TANC1: variants seen among roughly 807,000 people sequenced by gnomAD.
TANC1 encodes the protein tetratricopeptide repeat, ankyrin repeat and coiled-coil containing 1, also known as protein TANC1.
Under a neutral mutation model 149.7 loss-of-function variants are expected in TANC1, and 77 were observed. The observed-to-expected ratio is 0.51, with a 90% CI of 0.43 to 0.62. The LOEUF (loss-of-function observed/expected upper bound fraction) is 0.62. Among genes scored for constraint, TANC1 ranks in the 20% least tolerant of loss-of-function variants. TANC1 has a pLI of 0.00. For missense variants in TANC1, 1,985 were observed against 2,321.8 expected, an observed-to-expected ratio of 0.85 and a Z score of 2.98; for synonymous variants, 854 against 925.0, an observed-to-expected ratio of 0.92 and a Z score of 1.39.
chr2:159,030,385 G>A (rs1329717458), intron 2 of TANC1, among the ~76,000 whole-genome samples: 2 of 152,102 alleles, frequency 1.3e-5, no homozygotes, highest in Admixed American at 6.6e-5. Context: ...TAACCAGCTA[G>A]GGTTTTTGTC....
At chr2:159,177,471 T>G (rs1225048314) in intron 13 of TANC1, among the ~76,000 whole-genome samples, 1 of 152,228 alleles carries the variant, frequency 6.6e-6, no homozygotes. Flanking sequence ...TTTTTCATTA[T>G]AAAAACTGAA....
intron 4 of TANC1, among the ~76,000 whole-genome samples, chr2:159,121,616 G>C (rs186382703): frequency 1.3e-5 from 2 of 152,156 alleles, no homozygotes; most frequent in Admixed American, 1.3e-4. Flanking sequence ...GAGCCACTAC[G>C]CCCAGCAGTT....
At chr2:159,096,693 G>A (rs866133022) in intron 3 of TANC1, among the ~76,000 whole-genome samples, 17 of 152,296 alleles carry the variant, frequency 1.1e-4, no homozygotes, top group South Asian at 4.1e-4. Flanking sequence ...CCAGAATGGC[G>A]GGGTTTGGTG....
intron 3 of TANC1, among the ~76,000 whole-genome samples, chr2:159,074,764 T>C (rs2043483993): frequency 1.3e-5 from 2 of 152,114 alleles, no homozygotes; most frequent in Non-Finnish European, 1.5e-5. Flanking sequence ...TGGGTGGCTT[T>C]AACAATAGAA....
intron 2 of TANC1, among the ~76,000 whole-genome samples, chr2:159,064,144 C>T (rs2042473094): frequency 6.6e-6 from 1 of 152,136 alleles, no homozygotes; most frequent in Non-Finnish European, 1.5e-5. Flanking sequence ...TTAACTTTTA[C>T]TACCATTTTT....
At chr2:159,039,954 T>C (rs1022888896) in intron 2 of TANC1, among the ~76,000 whole-genome samples, 3 of 152,218 alleles carry the variant, frequency 2.0e-5, no homozygotes, top group Non-Finnish European at 2.9e-5. Flanking sequence ...AGTGGGGTGT[T>C]AAAGTCTCCC....
At chr2:159,098,908 G>A (rs558113825) in intron 4 of TANC1, among the ~76,000 whole-genome samples, 5 of 152,026 alleles carry the variant, frequency 3.3e-5, no homozygotes, top group African/African-American at 1.2e-4. Context: ...GCCAGTGTAA[G>A]GATTCTTCTC....
chr2:158,979,623 G>GT (rs2034074489), intron 1 of TANC1, among the ~76,000 whole-genome samples: 2 of 152,098 alleles, frequency 1.3e-5, no homozygotes, highest in South Asian at 4.1e-4. Flanking sequence ...TGATTTCAAG[G>GT]TTTTTTGTTG....
intron 5 of TANC1, among the ~76,000 whole-genome samples, chr2:159,140,905 G>A (rs1258078357): frequency 6.6e-6 from 1 of 151,944 alleles, no homozygotes; most frequent in Admixed American, 6.6e-5. Context: ...TAGCCAAGCT[G>A]GTCTCAAACT....
At position 159,150,384 on chromosome 2, in the gene TANC1, T is replaced by C; in HGVS notation, c.510T>C (p.Ser170=). 6.2e-7 allele frequency: 1 copy of C among 1,613,898 alleles called. No homozygotes were observed. Among genetic ancestry groups the C allele is most frequent in the Non-Finnish European group, 8.5e-7 (1 of 1,179,964 alleles). ...DKNETMCTAL[S]QGISPCSTLT... ...TCATCTTGCAGTGCACAGCTCTGAG[T>C]CAAGGCATCAGTCCTTGCTCCACAC... Residue 170 remains serine (S), a synonymous_variant, in exon 7 of 27, where the codon AGT becomes AGC. Coordinates refer to ENST00000263635, the MANE Select transcript of TANC1 (RefSeq NM_033394.3).
intron 4 of TANC1, among the ~76,000 whole-genome samples, chr2:159,111,999 C>T (rs1336191381): frequency 1.3e-5 from 2 of 152,188 alleles, no homozygotes; most frequent in Admixed American, 1.3e-4. Flanking sequence ...ACTAGAATCT[C>T]CTGTTGTGTC....
intron 5 of TANC1, among the ~76,000 whole-genome samples, chr2:159,144,978 C>T (rs1009299636): frequency 1.3e-5 from 2 of 152,076 alleles, no homozygotes; most frequent in African/African-American, 4.8e-5. Flanking sequence ...AGTGAACTGA[C>T]GAATGTCGTC....
Position 159,155,123 on chromosome 2 carries a change from G to A in TANC1, c.682+4567G>A, listed in dbSNP as rs114293505. On this transcript the variant is annotated intron_variant, in intron 7 of 26. Coordinates refer to ENST00000263635, the MANE Select transcript of TANC1 (RefSeq NM_033394.3). The stretch of plus-strand genomic sequence containing the variant: ...CATCACTGAAAATGTGTTTTAAAGT[G>A]CTTTGAGATAAATTTAATTTGTGTT... Among the ~76,000 whole-genome samples the A allele has an allele frequency of 8.2e-4, 125 of 152,296 alleles. 1 individual carries two copies. Among genetic ancestry groups the A allele is most frequent in the African/African-American group, 2.9e-3 (122 of 41,560 alleles).
At chr2:159,007,138 G>GTTTTTT (rs70994252) in intron 2 of TANC1, among the ~76,000 whole-genome samples, 33 of 69,510 alleles carry the variant, frequency 4.7e-4, no homozygotes, top group South Asian at 1.5e-3. Flanking sequence ...CTTTAATACT[G>GTTTTTT]TTTTTTTTTT....
At chr2:159,081,488 C>T (rs776617064) in intron 3 of TANC1, among the ~76,000 whole-genome samples, 20 of 151,712 alleles carry the variant, frequency 1.3e-4, no homozygotes, top group Non-Finnish European at 2.2e-4. Flanking sequence ...TCCCTCTGGC[C>T]GAAGATGGGG....
At chr2:159,156,340 TA>T (rs1247520085) in intron 7 of TANC1, among the ~76,000 whole-genome samples, 1 of 152,216 alleles carries the variant, frequency 6.6e-6, no homozygotes, top group Non-Finnish European at 1.5e-5. Flanking sequence ...AATTTGGTAA[TA>T]TGCTTAATGT....
intron 5 of TANC1, among the ~76,000 whole-genome samples, chr2:159,140,616 A>T (rs895515647): frequency 3.9e-5 from 6 of 152,000 alleles, no homozygotes; most frequent in African/African-American, 1.4e-4. Flanking sequence ...GCGTGACTGT[A>T]ATAAAGGAGG....
At chr2:159,091,440 G>C (rs1026262990) in intron 3 of TANC1, among the ~76,000 whole-genome samples, 2 of 152,220 alleles carry the variant, frequency 1.3e-5, no homozygotes, top group African/African-American at 4.8e-5. Context: ...CCCTCTGGGA[G>C]TTTGGGGGTG....
At chr2:158,996,252 C>T (rs1021065059) in intron 1 of TANC1, among the ~76,000 whole-genome samples, 3 of 152,052 alleles carry the variant, frequency 2.0e-5, no homozygotes, top group Non-Finnish European at 2.9e-5. Flanking sequence ...CCCAGCCACT[C>T]GTGAGGCTGA....
Sources: allele counts gnomAD v4.1 joint callset (sites outside exome capture counted in the v4.1 genomes callset), GRCh38; gene constraint gnomAD v4.1.1; transcripts MANE v1.5; gene names NCBI Gene and HGNC (gene_info 2026-07-23, HGNC 2026-07-21).